ROBO2: variants seen among roughly 807,000 people sequenced by gnomAD.
The protein encoded by ROBO2 is roundabout homolog 2.
ROBO2 carries 53 observed loss-of-function variants against 160.8 expected under a neutral mutation model. That is an observed-to-expected ratio of 0.33 (90% CI 0.26 to 0.41). The LOEUF is 0.41. Ranked by LOEUF, ROBO2 falls within the 10% of genes least tolerant of loss-of-function variation. ROBO2 has a pLI of 1.00. For missense variants in ROBO2, 1,577 were observed against 1,722.4 expected, an observed-to-expected ratio of 0.92 and a Z score of 1.49; for synonymous variants, 664 against 611.7, an observed-to-expected ratio of 1.09 and a Z score of -1.26.
intron 24 of ROBO2, among the ~76,000 whole-genome samples, chr3:77,638,623 GTTC>G (rs2095302364): frequency 6.6e-6 from 1 of 152,186 alleles, no homozygotes; most frequent in East Asian, 1.9e-4. Flanking sequence ...CTTAAAGAGT[GTTC>G]TTCTCCCTTT....
At chr3:77,030,254 T>G (rs2063237477) in intron 2 of ROBO2, among the ~76,000 whole-genome samples, 1 of 152,188 alleles carries the variant, frequency 6.6e-6, no homozygotes, top group South Asian at 2.1e-4. Flanking sequence ...AAAGTACCAT[T>G]CGGTTCTGAA....
chr3:76,359,580 A>G (rs2075384535), intron 2 of ROBO2, among the ~76,000 whole-genome samples: 1 of 152,076 alleles, frequency 6.6e-6, no homozygotes, highest in Admixed American at 6.6e-5. Context: ...TGATCCATAC[A>G]GGTTTTATAC....
intron 2 of ROBO2, among the ~76,000 whole-genome samples, chr3:76,334,451 C>T (rs773203726): frequency 2.6e-5 from 4 of 152,068 alleles, no homozygotes; most frequent in African/African-American, 4.8e-5. Flanking sequence ...TTAAACTGAG[C>T]ACCCAGTGAG....
At chr3:76,965,759 G>A in intron 2 of ROBO2, among the ~76,000 whole-genome samples, 1 of 125,602 alleles carries the variant, frequency 8.0e-6, no homozygotes, top group Non-Finnish European at 1.6e-5. Context: ...AAAGGTAGTT[G>A]CTATACCATT....
At chr3:76,448,485 T>A (rs1358782693) in intron 2 of ROBO2, among the ~76,000 whole-genome samples, 1 of 152,156 alleles carries the variant, frequency 6.6e-6, no homozygotes, top group Non-Finnish European at 1.5e-5. Flanking sequence ...GTTGAAGGGC[T>A]TCTGTGATAC....
At chr3:77,171,358 T>C (rs562070925) in intron 2 of ROBO2, among the ~76,000 whole-genome samples, 1 of 152,362 alleles carries the variant, frequency 6.6e-6, no homozygotes, top group African/African-American at 2.4e-5. Context: ...GCCTGCTTCG[T>C]CCTGCTTAGA....
At chr3:77,194,244 G>A (rs569382297) in intron 2 of ROBO2, among the ~76,000 whole-genome samples, 10 of 152,122 alleles carry the variant, frequency 6.6e-5, no homozygotes, top group Non-Finnish European at 1.3e-4. Flanking sequence ...TTCTCTGGGG[G>A]TCTCTCCACT....
At chr3:77,360,260 C>CT (rs1042675239) in intron 2 of ROBO2, among the ~76,000 whole-genome samples, 1 of 151,096 alleles carries the variant, frequency 6.6e-6, no homozygotes, top group East Asian at 2.0e-4. Flanking sequence ...CAACCCCCCC[C>CT]CCAAATTTAG....
At chr3:76,853,619 G>A (rs577235585) in intron 2 of ROBO2, among the ~76,000 whole-genome samples, 44 of 152,194 alleles carry the variant, frequency 2.9e-4, no homozygotes, top group African/African-American at 1.0e-3. Context: ...AAAAAGTGTG[G>A]CATTGGCCTG....
At chr3:76,781,071 G>T (rs900815923) in intron 2 of ROBO2, among the ~76,000 whole-genome samples, 1 of 150,614 alleles carries the variant, frequency 6.6e-6, no homozygotes, top group African/African-American at 2.4e-5. Flanking sequence ...CTATTTATTT[G>T]TGTCTTCTTC....
chr3:77,397,272 G>A (rs1257340659), intron 2 of ROBO2, among the ~76,000 whole-genome samples: 1 of 152,096 alleles, frequency 6.6e-6, no homozygotes, highest in Non-Finnish European at 1.5e-5. Flanking sequence ...AAGAGATTCT[G>A]TGAAATCAAA....
intron 2 of ROBO2, among the ~76,000 whole-genome samples, chr3:76,470,055 G>T (rs1259886119): frequency 1.3e-5 from 2 of 152,102 alleles, no homozygotes; most frequent in Non-Finnish European, 2.9e-5. Flanking sequence ...AAGGCATCAG[G>T]TCCTGTAGAT....
chr3:76,608,303 C>T (rs1408316938), intron 2 of ROBO2, among the ~76,000 whole-genome samples: 3 of 152,104 alleles, frequency 2.0e-5, no homozygotes, highest in African/African-American at 7.2e-5. Context: ...CTTACTATAC[C>T]TTCAGTGGGG....
intron 2 of ROBO2, among the ~76,000 whole-genome samples, chr3:77,272,498 C>A (rs2059564931): frequency 6.6e-6 from 1 of 152,022 alleles, no homozygotes; most frequent in Non-Finnish European, 1.5e-5. Flanking sequence ...GGAAATACGC[C>A]CCCATGTTGC....
chr3:76,342,939 A>C, intron 2 of ROBO2, among the ~76,000 whole-genome samples: 1 of 152,282 alleles, frequency 6.6e-6, no homozygotes, highest in East Asian at 1.9e-4. Context: ...AATTTCATTA[A>C]AATTGATTAT....
At chr3:76,417,744 T>G (rs2075812811) in intron 2 of ROBO2, among the ~76,000 whole-genome samples, 1 of 152,092 alleles carries the variant, frequency 6.6e-6, no homozygotes, top group Non-Finnish European at 1.5e-5. Flanking sequence ...AAAACCAAAC[T>G]ATTACATTAA....
At chr3:75,936,593 G>A (rs1947790340) in intron 1 of ROBO2, among the ~76,000 whole-genome samples, 1 of 151,994 alleles carries the variant, frequency 6.6e-6, no homozygotes, top group Non-Finnish European at 1.5e-5. Context: ...TATTGTACAT[G>A]TTTACATATG....
intron 2 of ROBO2, among the ~76,000 whole-genome samples, chr3:76,094,135 C>A (rs2069344279): frequency 1.5e-5 from 2 of 136,876 alleles, no homozygotes; most frequent in Admixed American, 7.0e-5. Flanking sequence ...CACTCGCACT[C>A]ACACACACAC....
chr3:76,448,921 G>A (rs1180736404), intron 2 of ROBO2, among the ~76,000 whole-genome samples: 1 of 152,082 alleles, frequency 6.6e-6, no homozygotes, highest in Non-Finnish European at 1.5e-5. Flanking sequence ...TTATGAACAA[G>A]CTGGACCCTA....
Sources: gnomAD v4.1 joint callset for allele counts (sites outside exome capture counted in the v4.1 genomes callset) on GRCh38, gnomAD v4.1.1 for gene constraint, MANE v1.5 for transcripts, NCBI Gene and HGNC (gene_info 2026-07-23, HGNC 2026-07-21) for gene names.